CACNA1A: variants seen among roughly 807,000 people sequenced by gnomAD.
CACNA1A encodes calcium voltage-gated channel subunit alpha1 A, also known as voltage-dependent P/Q-type calcium channel subunit alpha-1A.
In CACNA1A, 57 loss-of-function variants were observed where a neutral mutation model predicts 262.4. The ratio of observed to expected loss-of-function variants is 0.22; its 90% confidence interval spans 0.18 to 0.27. CACNA1A has a LOEUF of 0.27. Among genes scored for constraint, CACNA1A ranks in the 10% least tolerant of loss-of-function variants. The probability of loss-of-function intolerance (pLI) is 1.00; values close to 1 mark genes in which losing one functional copy is unlikely to be tolerated. For synonymous variants in CACNA1A, 1,431 were observed against 1,419.3 expected, an observed-to-expected ratio of 1.01 and a Z score of -0.18; for missense variants, 2,526 against 3,562.8, an observed-to-expected ratio of 0.71 and a Z score of 7.41.
intron 6 of CACNA1A, among the ~76,000 whole-genome samples, chr19:13,355,034 C>A (rs1223331697): frequency 1.3e-5 from 2 of 152,092 alleles, no homozygotes; most frequent in African/African-American, 4.8e-5. Context: ...GCCCACCACG[C>A]CTGGCTAATT....
intron 20 of CACNA1A, among the ~76,000 whole-genome samples, chr19:13,286,293 G>A (rs922835034): frequency 1.3e-5 from 2 of 152,094 alleles, no homozygotes; most frequent in African/African-American, 2.4e-5. Context: ...TAACCCGACT[G>A]AACACAACCC....
In CACNA1A at chr19:13,506,291, C is replaced by CCG; in HGVS notation, c.-69_-68dup. The CCG allele has an allele frequency of 1.5e-6, 2 of 1,348,428 alleles. No homozygotes were observed. The highest frequency in any genetic ancestry group is 1.9e-6 in the Non-Finnish European group (2 of 1,048,248). 83.5% of individuals were successfully genotyped at this position (1,348,428 alleles called of 1,614,324 possible). ...GATGCGGAAGACGCCGCCGCCGCCG[C>CCG]CGCCGCCGCTGATGCTGAGGCTGCC... On this transcript the variant is annotated 5_prime_UTR_variant, in exon 1 of 47. The change creates a premature stop within an existing upstream ORF in the 5' untranslated region. Transcript: ENST00000360228.
intron 12 of CACNA1A, 35 bp downstream of exon 12, chr19:13,312,634 T>C: frequency 8.0e-7 from 1 of 1,249,750 alleles, no homozygotes; most frequent in South Asian, 1.3e-5. Context: ...AGGCAAGAGC[T>C]GGAGAAATGA....
rs143609293 is a variant in CACNA1A, at chr19:13,217,309, G to A, written c.5732-2701C>T. Among the ~76,000 whole-genome samples the A allele has an allele frequency of 6.1e-3, 932 of 152,274 alleles. 19 individuals carry two copies. The highest frequency in any genetic ancestry group is 0.021 in the African/African-American group (862 of 41,554). On this transcript the variant is annotated intron_variant, in intron 38 of 46. Transcript: ENST00000360228. ...TTCTCCCAGTCTCCAGCAATGAATGGTGACACCATTTTTGAGAATCTGAAG... is the reference window on the plus strand; with the variant it reads ...TTCTCCCAGTCTCCAGCAATGAATGATGACACCATTTTTGAGAATCTGAAG...
At chr19:13,327,714 A>C (rs111544578) in intron 10 of CACNA1A, among the ~76,000 whole-genome samples, 19,381 of 151,570 alleles carry the variant, frequency 0.13, 2,288 homozygotes, top group African/African-American at 0.32. Context: ...CTGGGATTAC[A>C]GGCTCACGCC....
At chr19:13,388,242 C>CTTT (rs1568597646) in intron 3 of CACNA1A, among the ~76,000 whole-genome samples, 2 of 128,382 alleles carry the variant, frequency 1.6e-5, no homozygotes, top group Non-Finnish European at 1.6e-5. Flanking sequence ...ATTTCTTCCT[C>CTTT]TTCTTTTTTT....
At chr19:13,477,028 C>G (rs1042514730) in intron 1 of CACNA1A, among the ~76,000 whole-genome samples, 1 of 152,190 alleles carries the variant, frequency 6.6e-6, no homozygotes, top group Non-Finnish European at 1.5e-5. Flanking sequence ...GCCCATAAGG[C>G]CCTCCAAAAC....
At chr19:13,211,316 G>A (rs948917394) in intron 43 of CACNA1A, 75 of 153,958 alleles carry the variant, frequency 4.9e-4, no homozygotes, top group African/African-American at 1.4e-3. Flanking sequence ...GGCGGGCTGC[G>A]TGCATGGGCC....
intron 19 of CACNA1A, among the ~76,000 whole-genome samples, chr19:13,293,997 G>A (rs973156535): frequency 6.6e-6 from 1 of 152,058 alleles, no homozygotes; most frequent in African/African-American, 2.4e-5. Context: ...TTGTTAGGGA[G>A]AGACATTTTG....
chr19:13,231,972 G>T, intron 34 of CACNA1A, 112 bp from the exon 35 acceptor site: 1 of 1,084,788 alleles, frequency 9.2e-7, no homozygotes, highest in Non-Finnish European at 1.3e-6. Flanking sequence ...AGCTGGCCAG[G>T]CAAGCCCCAG....
At chr19:13,333,151 T>A (rs1263420133) in intron 8 of CACNA1A, among the ~76,000 whole-genome samples, 1 of 152,028 alleles carries the variant, frequency 6.6e-6, no homozygotes, top group Non-Finnish European at 1.5e-5. Flanking sequence ...AAAACCAATG[T>A]CCACACCACA....
chr19:13,475,438 C>T (rs1336094465), intron 1 of CACNA1A, among the ~76,000 whole-genome samples: 3 of 152,162 alleles, frequency 2.0e-5, no homozygotes, highest in African/African-American at 7.2e-5. Flanking sequence ...CCATGCTCAC[C>T]CTTAAGGCTT....
At chr19:13,280,668 T>C (rs935869685) in intron 22 of CACNA1A, among the ~76,000 whole-genome samples, 7 of 151,514 alleles carry the variant, frequency 4.6e-5, no homozygotes, top group East Asian at 2.0e-4. Context: ...TGACCGGGCG[T>C]GGTGGCTCAC....
chr19:13,262,887 T>C, intron 24 of CACNA1A, 54 bp from the exon 25 acceptor site: 1 of 1,285,722 alleles, frequency 7.8e-7, no homozygotes, highest in Non-Finnish European at 1.1e-6. Context: ...AGAGGTCAGG[T>C]TGGGTAGGGG....
chr19:13,329,077 G>A (rs2058421213), intron 10 of CACNA1A, among the ~76,000 whole-genome samples: 1 of 152,014 alleles, frequency 6.6e-6, no homozygotes, highest in Non-Finnish European at 1.5e-5. Flanking sequence ...ACCCATTAAA[G>A]AACAACAACA....
chr19:13,496,048 C>T (rs1032175400), intron 1 of CACNA1A, among the ~76,000 whole-genome samples: 1 of 5,006 alleles, frequency 2.0e-4, no homozygotes, highest in African/African-American at 3.8e-4. Flanking sequence ...GTTCAACCAT[C>T]CATCCATCCA....
intron 15 of CACNA1A, among the ~76,000 whole-genome samples, chr19:13,306,812 G>A (rs1020254867): frequency 1.3e-5 from 2 of 152,038 alleles, no homozygotes; most frequent in South Asian, 2.1e-4. Context: ...AGCCAGTCTC[G>A]AGCTGTTTAC....
At chr19:13,423,020 T>C (rs1162641105) in intron 3 of CACNA1A, among the ~76,000 whole-genome samples, 2 of 152,260 alleles carry the variant, frequency 1.3e-5, no homozygotes, top group Non-Finnish European at 2.9e-5. Flanking sequence ...TGAGCCCTTT[T>C]AGCAAACCTT....
chr19:13,395,979 T>C (rs185397903), intron 3 of CACNA1A, among the ~76,000 whole-genome samples: 10 of 152,382 alleles, frequency 6.6e-5, no homozygotes, highest in African/African-American at 2.4e-4. Flanking sequence ...ATCATATTTC[T>C]ACACCGCTGT....
Sources: gnomAD v4.1 joint callset for allele counts (sites outside exome capture counted in the v4.1 genomes callset) on GRCh38, gnomAD v4.1.1 for gene constraint, MANE v1.5 for transcripts, NCBI Gene and HGNC (gene_info 2026-07-23, HGNC 2026-07-21) for gene names.